Variants in PROX2 observed in about 807,000 individuals in gnomAD.
The protein encoded by PROX2 is prospero homeobox protein 2.
Under a neutral mutation model 48.9 loss-of-function variants are expected in PROX2, and 46 were observed. The observed-to-expected ratio is 0.94, with a 90% CI of 0.74 to 1.20. The LOEUF (loss-of-function observed/expected upper bound fraction) is 1.20, where lower values mean the gene tolerates loss of function less well. Among genes scored for constraint, PROX2 ranks in the 50% most tolerant of loss-of-function variants. PROX2 has a pLI of 0.00. For missense variants in PROX2, 663 were observed against 719.4 expected (o/e 0.92, Z 0.90); for synonymous variants, 260 against 276.6 (o/e 0.94, Z 0.60).
At position 74,862,805 on chromosome 14, in the gene PROX2, G is replaced by A. The variant is rs2091806440; in HGVS notation, c.1030C>T (p.Gln344Ter). The A allele has an allele frequency of 1.9e-6, 3 of 1,613,910 alleles. No homozygotes were observed. The highest frequency in any genetic ancestry group is 2.5e-6 in the Non-Finnish European group (3 of 1,179,894). ...LTAPSHIQENQILSQLLGHRY... is the reference protein window; with the variant it reads ...LTAPSHIQEN ...TGACCCAGTAGCTGGCTAAGAATCTGATTTTCCTGGATGTGGGAAGGTGCA... is the reference window on the plus strand; with the variant it reads ...TGACCCAGTAGCTGGCTAAGAATCTAATTTTCCTGGATGTGGGAAGGTGCA... Residue 344 changes from glutamine (Q) to a stop codon, truncating the protein, a stop_gained, in exon 3 of 6, where the codon CAG becomes TAG. Transcript: ENST00000556489. LOFTEE classifies it high-confidence loss of function.
At chr14:74,857,087 A>G (rs2091749902) in intron 4 of PROX2, 92 bp from the exon 5 acceptor site, 4 of 1,038,830 alleles carry the variant, frequency 3.9e-6, no homozygotes, top group Non-Finnish European at 4.3e-6. Context: ...AGGGGTTCAT[A>G]TACGGCTTTA....
At chr14:74,861,341 TGCAAGA>T in intron 3 of PROX2, 3 of 689,914 alleles carry the variant, frequency 4.3e-6, no homozygotes, top group Non-Finnish European at 7.0e-6. Flanking sequence ...ACTTAAGTTC[TGCAAGA>T]TGCTTGTTAG....
chr14:74,855,400 A>G (rs1267335780), intron 5 of PROX2, 98 bp from the exon 6 acceptor site: 2 of 1,005,758 alleles, frequency 2.0e-6, no homozygotes, highest in South Asian at 2.3e-5. Context: ...TTTCTTGGGT[A>G]GTGGGCTAGG....
At position 74,870,441 on chromosome 14, in the gene PROX2, T is replaced by TACACACAC. The variant is rs10525556; in HGVS notation, c.-175+654_-175+661dup. On this transcript the variant is annotated intron_variant, in intron 2 of 5. Coordinates refer to ENST00000556489, the MANE Select transcript of PROX2 (RefSeq NM_001243007.2). ...GCCTGCCTCAAAAAAAAAAAAAAAATACACACACACACACACACACACACA... is the reference window on the plus strand; with the variant it reads ...GCCTGCCTCAAAAAAAAAAAAAAAATACACACACACACACACACACACACACACACACA... Among the ~76,000 whole-genome samples, 296 of 110,898 alleles carry TACACACAC rather than the reference T, an allele frequency of 2.7e-3. 5 individuals carry two copies. Among genetic ancestry groups the TACACACAC allele is most frequent in the Middle Eastern group, 4.6e-3 (1 of 216 alleles). The allele number at this position is 110,898 out of a possible 152,430, so 72.8% of individuals were successfully genotyped here.
Position 74,862,836 on chromosome 14 carries a change from G to A in PROX2, c.999C>T (p.Pro333=), listed in dbSNP as rs749784054. The A allele has an allele frequency of 6.2e-7, 1 of 1,614,014 alleles. No homozygotes were observed. The highest frequency in any genetic ancestry group is 8.5e-7 in the Non-Finnish European group (1 of 1,179,884). The part of the protein sequence containing the change: ...KPCQDPPANF[P]LTAPSHIQEN... Reference sequence around the variant, plus strand: ...CCTGGATGTGGGAAGGTGCAGTCAAGGGAAAGTTTGCTGGGGGATCCTGAC... The same window carrying A: ...CCTGGATGTGGGAAGGTGCAGTCAAAGGAAAGTTTGCTGGGGGATCCTGAC... Residue 333 remains proline (P), a synonymous_variant, in exon 3 of 6, where the codon CCC becomes CCT. Transcript: ENST00000556489.
At chr14:74,858,251 T>C (rs963072369) in intron 4 of PROX2, 156 bp downstream of exon 4, 29 of 534,854 alleles carry the variant, frequency 5.4e-5, no homozygotes, top group Non-Finnish European at 8.7e-5. Flanking sequence ...GTTATTTGGG[T>C]AGAGTCTCAG....
intron 2 of PROX2, among the ~76,000 whole-genome samples, chr14:74,869,280 C>CTT (rs570619745): frequency 4.2e-5 from 6 of 143,848 alleles, no homozygotes; most frequent in Non-Finnish European, 4.6e-5. Context: ...GAACCTTCAA[C>CTT]TTTTTTTTTT....
In PROX2 at chr14:74,868,332, TATATA is replaced by T. The variant is rs1883121847; in HGVS notation, c.-175+2766_-175+2770del. ...TCGTAATTATATATATATATATATA[TATATA>T]TATATATATATATATATATATATAA... On this transcript the variant is annotated intron_variant, in intron 2 of 5. Transcript: ENST00000556489. Among the ~76,000 whole-genome samples the T allele has an allele frequency of 3.3e-5, 4 of 121,948 alleles. No individual in the cohort carries two copies. In the South Asian group the frequency reaches 9.8e-4, roughly 30 times the overall value. The allele number at this position is 121,948 out of a possible 152,430, so 80.0% of individuals were successfully genotyped here. A position where few individuals can be genotyped will look rare whatever the true frequency, so the allele number is the denominator to read the frequency against.
At position 74,854,750 on chromosome 14, in the gene PROX2, T is replaced by C. The variant is rs1010674131; in HGVS notation, c.*382A>G. On this transcript the variant is annotated 3_prime_UTR_variant, in exon 6 of 6. Coordinates refer to ENST00000556489, the MANE Select transcript of PROX2 (RefSeq NM_001243007.2). ...AAAGAGGGGCTCAAAAAACTGACAT[T>C]TGTGTGTGAATGACATTGCATAGGA... 1 of 159,252 alleles carries C rather than the reference T, an allele frequency of 6.3e-6. No individual in the cohort carries two copies. The highest frequency in any genetic ancestry group is 2.4e-5 in the African/African-American group (1 of 41,700). The allele number at this position is 159,252 out of a possible 1,614,324, so 9.9% of individuals were successfully genotyped here.
intron 3 of PROX2, chr14:74,858,956 A>G (rs2091773956): frequency 6.5e-6 from 1 of 154,266 alleles, no homozygotes; most frequent in Admixed American, 6.5e-5. Flanking sequence ...CCAAGCAGAG[A>G]TTTACTTCCC....
chr14:74,860,706 G>A (rs1296226072), intron 3 of PROX2, among the ~76,000 whole-genome samples: 2 of 152,140 alleles, frequency 1.3e-5, no homozygotes, highest in African/African-American at 4.8e-5. Flanking sequence ...TGCTGCTAGG[G>A]GGTCCCAAGT....
chr14:74,870,439 A>AACACACACACACAC (rs766736707), intron 2 of PROX2, among the ~76,000 whole-genome samples: 2 of 29,950 alleles, frequency 6.7e-5, no homozygotes, highest in African/African-American at 4.8e-4. Context: ...AAAAAAAAAA[A>AACACACACACACAC]ATACACACAC....
chr14:74,870,813 G>A (rs2140174065), intron 2 of PROX2, among the ~76,000 whole-genome samples: 1 of 152,252 alleles, frequency 6.6e-6, no homozygotes, highest in African/African-American at 2.4e-5. Context: ...GCCAAGGGGA[G>A]TGGATTGCCT....
intron 1 of PROX2, among the ~76,000 whole-genome samples, chr14:74,875,534 G>A (rs968122273): frequency 6.6e-6 from 1 of 152,214 alleles, no homozygotes; most frequent in Non-Finnish European, 1.5e-5. Context: ...CCCTAAAGCC[G>A]CATATTCTGC....
intron 4 of PROX2, 101 bp from the exon 5 acceptor site, chr14:74,857,096 TA>T: frequency 1.2e-5 from 10 of 860,276 alleles, no homozygotes; most frequent in Non-Finnish European, 1.8e-5. Flanking sequence ...TATACGGCTT[TA>T]ACCAGCATTA....
intron 3 of PROX2, 74 bp from the exon 4 acceptor site, chr14:74,858,588 G>C: frequency 1.3e-6 from 1 of 792,578 alleles, no homozygotes; most frequent in East Asian, 2.8e-5. Context: ...CCTTGTTCCT[G>C]TGGTTTCTAT....
At chr14:74,870,716 A>G (rs1883192002) in intron 2 of PROX2, among the ~76,000 whole-genome samples, 1 of 152,062 alleles carries the variant, frequency 6.6e-6, no homozygotes, top group African/African-American at 2.4e-5. Context: ...TTTCCATTCA[A>G]TTTTGCTGTG....
intron 2 of PROX2, among the ~76,000 whole-genome samples, chr14:74,870,554 T>C (rs936402330): frequency 6.6e-6 from 1 of 152,126 alleles, no homozygotes; most frequent in African/African-American, 2.4e-5. Context: ...CTATTTTTTC[T>C]TTTTATTTTT....
chr14:74,860,100 G>C lies in PROX2; in HGVS notation c.1306-1586C>G, dbSNP rs118159569. 1.0e-2 allele frequency among the ~76,000 whole-genome samples: 1,517 copies of C among 152,266 alleles called. 11 individuals carry two copies. Among genetic ancestry groups the C allele is most frequent in the Non-Finnish European group, 0.016 (1,071 of 68,016 alleles). On this transcript the variant is annotated intron_variant, in intron 3 of 5. Transcript: ENST00000556489. The stretch of plus-strand genomic sequence containing the variant: ...GCTCCCTTCTCTGTCTCTGCTTCTC[G>C]GATACCCGATCTTAGAGTGGATGCT...
Sources: gnomAD v4.1 joint callset for allele counts (sites outside exome capture counted in the v4.1 genomes callset) on GRCh38, gnomAD v4.1.1 for gene constraint, MANE v1.5 for transcripts, NCBI Gene and HGNC (gene_info 2026-07-23, HGNC 2026-07-21) for gene names.